Variants in PPHLN1 observed in about 807,000 individuals in gnomAD.
The protein encoded by PPHLN1 is periphilin-1.
PPHLN1 carries 29 observed loss-of-function variants against 51.3 expected under a neutral mutation model. The ratio of observed to expected loss-of-function variants is 0.57; its 90% CI spans 0.42 to 0.77. The LOEUF is 0.77. Ranked by LOEUF, PPHLN1 falls within the 30% of genes least tolerant of loss-of-function variation. The pLI, the probability that PPHLN1 is intolerant of heterozygous loss-of-function variation, is 0.00. For synonymous variants in PPHLN1, 147 were observed against 147.8 expected, an observed-to-expected ratio of 0.99 and a Z score of 0.04; for missense variants, 436 against 438.4, an observed-to-expected ratio of 0.99 and a Z score of 0.05.
intron 9 of PPHLN1, among the ~76,000 whole-genome samples, chr12:42,436,420 C>G (rs140806951): frequency 2.6e-5 from 4 of 152,166 alleles, no homozygotes; most frequent in African/African-American, 9.7e-5. Flanking sequence ...TCCTCACTTG[C>G]GTTTATTTCT....
chr12:42,351,933 C>T lies in PPHLN1; in HGVS notation c.121C>T (p.Leu41=), dbSNP rs766173271. Residue 41 remains leucine (L), a synonymous_variant, in exon 3 of 10, where the codon CTA becomes TTA. Coordinates refer to ENST00000358314, the MANE Select transcript of PPHLN1 (RefSeq NM_201439.2). ...TATTGTGCCAAAGAAACCACCACTGCTAGACAGACCTGGTGAAGGAAGCTA... is the reference window on the plus strand; with the variant it reads ...TATTGTGCCAAAGAAACCACCACTGTTAGACAGACCTGGTGAAGGAAGCTA... ...VNIVPKKPPL[L]DRPGEGSYNR... 2.5e-6 allele frequency: 4 copies of T among 1,589,158 alleles called. No homozygotes were observed. The highest frequency in any genetic ancestry group is 1.4e-5 in the African/African-American group (1 of 73,190).
In PPHLN1 at chr12:42,357,274, G is replaced by A. The variant is rs1008784186; in HGVS notation, c.299+2052G>A. ...TTTTTATTTTTTATTTTGCACGGAA[G>A]TTGACAAGTTAATTTTAAGACTAAT... On this transcript the variant is annotated intron_variant, in intron 4 of 9. Transcript: ENST00000358314. Among the ~76,000 whole-genome samples, 8 of 152,232 alleles carry A rather than the reference G, an allele frequency of 5.3e-5. No homozygotes were observed. The South Asian group carries it at 1.5e-3, about 28-fold the overall frequency.
intron 5 of PPHLN1, among the ~76,000 whole-genome samples, chr12:42,383,394 C>T (rs1022674820): frequency 6.6e-6 from 1 of 152,164 alleles, no homozygotes; most frequent in Non-Finnish European, 1.5e-5. Context: ...GAAATATCAC[C>T]ATTATCTCTT....
intron 9 of PPHLN1, among the ~76,000 whole-genome samples, chr12:42,412,711 A>G (rs1733730293): frequency 6.6e-6 from 1 of 152,194 alleles, no homozygotes; most frequent in African/African-American, 2.4e-5. Flanking sequence ...ACTGTTTTCC[A>G]CAGAGGTTGT....
At chr12:42,383,262 T>C (rs1464451904) in intron 5 of PPHLN1, among the ~76,000 whole-genome samples, 3 of 152,202 alleles carry the variant, frequency 2.0e-5, no homozygotes, top group Non-Finnish European at 4.4e-5. Flanking sequence ...CTGTGGAGTG[T>C]AGATTCTCAT....
At chr12:42,330,738 CTCGCT>C (rs2069590411) in intron 1 of PPHLN1, among the ~76,000 whole-genome samples, 1 of 152,184 alleles carries the variant, frequency 6.6e-6, no homozygotes, top group African/African-American at 2.4e-5. Flanking sequence ...GAGATGGAGT[CTCGCT>C]CTGTCACCCA....
intron 9 of PPHLN1, among the ~76,000 whole-genome samples, chr12:42,430,326 G>A (rs2081928999): frequency 6.6e-6 from 1 of 151,508 alleles, no homozygotes; most frequent in Non-Finnish European, 1.5e-5. Flanking sequence ...ACAACTCAGG[G>A]ATTTGTGATG....
intron 9 of PPHLN1, among the ~76,000 whole-genome samples, chr12:42,408,988 A>C (rs993335428): frequency 2.0e-5 from 3 of 152,208 alleles, no homozygotes; most frequent in African/African-American, 7.2e-5. Context: ...TTTAAGATAA[A>C]GTTTAATTTA....
At chr12:42,446,450 T>C, downstream of PPHLN1, 1 of 1,330,884 alleles carries the variant, frequency 7.5e-7, no homozygotes, top group Non-Finnish European at 1.0e-6. Flanking sequence ...CCCAGTGGGG[T>C]TCCTCAGTAA....
chr12:42,424,959 A>G (rs11181499), intron 9 of PPHLN1, among the ~76,000 whole-genome samples: 53,471 of 152,096 alleles, frequency 0.35, 9,920 homozygotes, highest in South Asian at 0.46. Context: ...GAGAAATTTC[A>G]TAGTAACAAA....
rs1367893856 is a variant in PPHLN1 at position 42,352,064 on chromosome 12, C to A, written c.237+15C>A. Reference sequence around the variant, plus strand: ...CTCACAGAGGAGTATGTAAATTTCCCCCATGTACTAATTGTTATTTCTTAT... The same window carrying A: ...CTCACAGAGGAGTATGTAAATTTCCACCATGTACTAATTGTTATTTCTTAT... On this transcript the variant is annotated intron_variant, in intron 3 of 9. Coordinates refer to ENST00000358314, the MANE Select transcript of PPHLN1 (RefSeq NM_201439.2). The A allele has an allele frequency of 3.5e-6, 5 of 1,432,454 alleles. No homozygotes were observed. In the East Asian group the frequency reaches 1.3e-4, roughly 38 times the overall value. The allele number at this position is 1,432,454 out of a possible 1,614,324, so 88.7% of individuals were successfully genotyped here. A position where few individuals can be genotyped will look rare whatever the true frequency, so the allele number is the denominator to read the frequency against.
chr12:42,384,710 TC>T (rs1278227523), intron 5 of PPHLN1, among the ~76,000 whole-genome samples: 1 of 152,242 alleles, frequency 6.6e-6, no homozygotes, highest in Non-Finnish European at 1.5e-5. Flanking sequence ...TCCTGACAGT[TC>T]CCCTTGGCTT....
At chr12:42,355,638 C>T (rs2073952678) in intron 4 of PPHLN1, 1 of 156,370 alleles carries the variant, frequency 6.4e-6, no homozygotes, top group Admixed American at 6.5e-5. Flanking sequence ...GTAATCCCAG[C>T]AACTAGGGAG....
intron 5 of PPHLN1, among the ~76,000 whole-genome samples, chr12:42,380,919 T>G (rs142768278): frequency 2.0e-5 from 3 of 152,300 alleles, no homozygotes; most frequent in African/African-American, 7.2e-5. Context: ...ATAAATTGTT[T>G]GCCAAGCGAG....
chr12:42,380,248 G>C (rs2076641154), intron 5 of PPHLN1, among the ~76,000 whole-genome samples: 1 of 151,932 alleles, frequency 6.6e-6, no homozygotes, highest in Non-Finnish European at 1.5e-5. Context: ...TGACATTTTG[G>C]TTGAATTTTA....
chr12:42,420,470 ATTTTT>A (rs534730099), intron 9 of PPHLN1, among the ~76,000 whole-genome samples: 1 of 142,632 alleles, frequency 7.0e-6, no homozygotes, highest in African/African-American at 2.6e-5. Flanking sequence ...TCTCTAAATG[ATTTTT>A]TTTTTTTTTC....
chr12:42,435,093 A>T (rs2082365176), intron 9 of PPHLN1, among the ~76,000 whole-genome samples: 2 of 152,234 alleles, frequency 1.3e-5, no homozygotes, highest in Admixed American at 6.5e-5. Flanking sequence ...TATATGTGGA[A>T]TTATTTCTTT....
chr12:42,445,486 C>T (rs1593077564), downstream of PPHLN1: 1 of 217,210 alleles, frequency 4.6e-6, no homozygotes, highest in South Asian at 8.2e-5. Flanking sequence ...TCCGTTGACA[C>T]CTATTCTCAC....
At chr12:42,350,746 C>T (rs1445970130) in intron 2 of PPHLN1, among the ~76,000 whole-genome samples, 3 of 152,158 alleles carry the variant, frequency 2.0e-5, no homozygotes, top group African/African-American at 2.4e-5. Flanking sequence ...GCAGATCACT[C>T]GAGGTCAGGA....
Sources: gnomAD v4.1 joint callset for allele counts (sites outside exome capture counted in the v4.1 genomes callset) on GRCh38, gnomAD v4.1.1 for gene constraint, MANE v1.5 for transcripts, NCBI Gene and HGNC (gene_info 2026-07-23, HGNC 2026-07-21) for gene names.